Variants in MMP26 observed in about 807,000 individuals in gnomAD.
MMP26 encodes matrix metalloproteinase-26.
In MMP26, 33 loss-of-function variants were observed where a neutral mutation model predicts 31.0. The observed-to-expected ratio is 1.06, with a 90% CI of 0.81 to 1.42. The LOEUF (loss-of-function observed/expected upper bound fraction) is 1.42. Among genes scored for constraint, MMP26 ranks in the 40% most tolerant of loss-of-function variants. MMP26 has a pLI of 0.00. For synonymous variants in MMP26, 122 were observed against 114.9 expected (o/e 1.06, Z -0.40); for missense variants, 347 against 316.1 (o/e 1.10, Z -0.74).
chr11:4,800,828 A>G lies in MMP26; in HGVS notation c.-145+33487A>G, dbSNP rs904045200. The stretch of plus-strand genomic sequence containing the variant: ...CTCTTGCATGGTTTGCTGCTTAGAA[A>G]TTTTTTATTCCAGATACACTAAGTC... On this transcript the variant is annotated intron_variant, in intron 2 of 7. Transcript: ENST00000380390. Among the ~76,000 whole-genome samples the G allele has an allele frequency of 5.9e-5, 9 of 152,112 alleles. No homozygotes were observed. In the East Asian group the frequency reaches 1.7e-3, roughly 29 times the overall value.
intron 2 of MMP26, among the ~76,000 whole-genome samples, chr11:4,986,346 TA>T (rs1846886908): frequency 2.0e-5 from 3 of 151,694 alleles, no homozygotes; most frequent in African/African-American, 7.3e-5. Context: ...CTTTTATTTT[TA>T]TTTTTTTATT....
intron 2 of MMP26, among the ~76,000 whole-genome samples, chr11:4,982,018 C>A (rs1392374149): frequency 2.0e-5 from 3 of 151,524 alleles, no homozygotes; most frequent in African/African-American, 7.3e-5. Flanking sequence ...TCCTGACTGA[C>A]CTGCCTGAAG....
chr11:4,984,932 G>A (rs1026120345), intron 2 of MMP26, among the ~76,000 whole-genome samples: 40 of 152,056 alleles, frequency 2.6e-4, no homozygotes, highest in African/African-American at 8.2e-4. Flanking sequence ...TCAGAACACC[G>A]GAGAAAGTGT....
At chr11:4,848,676 A>T (rs7117260) in intron 2 of MMP26, 9 of 1,613,810 alleles carry the variant, frequency 5.6e-6, no homozygotes, top group South Asian at 2.2e-5. Flanking sequence ...GACCTGTGGG[A>T]GGCAGTAGGG....
chr11:4,801,556 A>G (rs1483369839), intron 2 of MMP26, among the ~76,000 whole-genome samples: 1 of 114,224 alleles, frequency 8.8e-6, no homozygotes, highest in Non-Finnish European at 1.9e-5. Flanking sequence ...TTATTTATTT[A>G]TTTGAGATGG....
chr11:4,836,899 C>A (rs1012230179), intron 2 of MMP26, among the ~76,000 whole-genome samples: 3 of 151,584 alleles, frequency 2.0e-5, no homozygotes, highest in Non-Finnish European at 4.4e-5. Flanking sequence ...GAACTCCTGA[C>A]CTCAGCCTCC....
At chr11:4,862,426 A>ATCT (rs147205327) in intron 2 of MMP26, among the ~76,000 whole-genome samples, 1,915 of 152,212 alleles carry the variant, frequency 0.013, 36 homozygotes, top group African/African-American at 0.042. Context: ...TTGAATGTCA[A>ATCT]TCTTTCAGGA....
intron 2 of MMP26, among the ~76,000 whole-genome samples, chr11:4,825,089 C>G (rs953016026): frequency 9.2e-5 from 14 of 151,964 alleles, no homozygotes; most frequent in Non-Finnish European, 1.9e-4. Flanking sequence ...TAGGGCAGTT[C>G]TTGTGGAGGA....
chr11:4,971,376 G>C (rs545119726), intron 2 of MMP26, among the ~76,000 whole-genome samples: 1 of 152,300 alleles, frequency 6.6e-6, no homozygotes, highest in South Asian at 2.1e-4. Context: ...TGAAAAGTCT[G>C]GGGGTCCAGT....
At chr11:4,909,070 A>G (rs1850950952) in intron 2 of MMP26, 1 of 152,190 alleles carries the variant, frequency 6.6e-6, no homozygotes, top group South Asian at 2.1e-4. Context: ...CTAAGTGACT[A>G]AAAGATAATT....
chr11:4,768,920 C>A, intron 2 of MMP26: 1 of 1,155,438 alleles, frequency 8.7e-7, no homozygotes, highest in South Asian at 2.4e-5. Flanking sequence ...AGAGCAAGTT[C>A]GCTTTTCTAC....
intron 2 of MMP26, among the ~76,000 whole-genome samples, chr11:4,934,002 T>C (rs1157537218): frequency 6.9e-6 from 1 of 145,280 alleles, no homozygotes; most frequent in Non-Finnish European, 1.5e-5. Context: ...GTTCCAAGTC[T>C]TTGCTATTGT....
At chr11:4,789,803 G>T (rs117403859) in intron 2 of MMP26, among the ~76,000 whole-genome samples, 1 of 151,710 alleles carries the variant, frequency 6.6e-6, no homozygotes, top group African/African-American at 2.4e-5. Flanking sequence ...GCCTCCTAAA[G>T]TGCTGGGAAG....
intron 1 of MMP26, among the ~76,000 whole-genome samples, chr11:4,741,442 A>G (rs1848310189): frequency 6.6e-6 from 1 of 152,226 alleles, no homozygotes; most frequent in African/African-American, 2.4e-5. Context: ...AAAATATGGT[A>G]CATATACCAT....
chr11:4,726,246 G>C (rs1589884503), intron 1 of MMP26, among the ~76,000 whole-genome samples: 1 of 152,120 alleles, frequency 6.6e-6, no homozygotes, highest in Non-Finnish European at 1.5e-5. Flanking sequence ...GGAGACCGAG[G>C]AGAATGGATC....
intron 2 of MMP26, among the ~76,000 whole-genome samples, chr11:4,927,358 T>G (rs1411618249): frequency 6.6e-6 from 1 of 152,138 alleles, no homozygotes. Flanking sequence ...GAAAAACTAG[T>G]GCTTTGAATG....
chr11:4,842,517 G>A (rs1849810366), intron 2 of MMP26, among the ~76,000 whole-genome samples: 1 of 152,160 alleles, frequency 6.6e-6, no homozygotes, highest in Non-Finnish European at 1.5e-5. Context: ...AGAGTGAAGA[G>A]GGAAGTGCCA....
chr11:4,720,799 C>T (rs748456165), intron 1 of MMP26, among the ~76,000 whole-genome samples: 5 of 152,146 alleles, frequency 3.3e-5, no homozygotes, highest in South Asian at 4.1e-4. Flanking sequence ...GGGACTTCCC[C>T]GCTCGCTATA....
At chr11:4,795,548 T>A (rs1005962320) in intron 2 of MMP26, among the ~76,000 whole-genome samples, 1 of 152,196 alleles carries the variant, frequency 6.6e-6, no homozygotes, top group African/African-American at 2.4e-5. Context: ...CCAGTTTCAA[T>A]AATGTTTATC....
Sources: allele counts gnomAD v4.1 joint callset (sites outside exome capture counted in the v4.1 genomes callset), GRCh38; gene constraint gnomAD v4.1.1; transcripts MANE v1.5; gene names NCBI Gene and HGNC (gene_info 2026-07-23, HGNC 2026-07-21).